Variants in LARGE1 observed in about 807,000 individuals in gnomAD.
LARGE1 encodes the protein xylosyl- and glucuronyltransferase LARGE1.
Under a neutral mutation model 87.6 loss-of-function variants are expected in LARGE1, and 43 were observed. The ratio of observed to expected loss-of-function variants is 0.49; its 90% confidence interval spans 0.38 to 0.63. The LOEUF is 0.63. Ranked by LOEUF, LARGE1 falls within the 30% of genes least tolerant of loss-of-function variation. LARGE1 has a pLI of 0.00. For missense variants in LARGE1, 802 were observed against 1,000.2 expected (o/e 0.80, Z 2.67); for synonymous variants, 434 against 394.6 (o/e 1.10, Z -1.18).
At chr22:33,135,326 T>C in the LARGE1 span, among the ~76,000 whole-genome samples, 2 of 152,196 alleles carry the variant, frequency 1.3e-5, no homozygotes, top group Non-Finnish European at 2.9e-5. Flanking sequence ...TATCCAGGTG[T>C]TGTCCTGCCT....
At chr22:33,590,236 TAATTA>T (rs1282553263) in intron 5 of LARGE1, among the ~76,000 whole-genome samples, 2 of 152,252 alleles carry the variant, frequency 1.3e-5, no homozygotes, top group Non-Finnish European at 2.9e-5. Flanking sequence ...TAGTTGTACC[TAATTA>T]AATATATTTT....
At chr22:33,906,344 T>A (rs2065455974) in intron 1 of LARGE1, among the ~76,000 whole-genome samples, 1 of 152,198 alleles carries the variant, frequency 6.6e-6, no homozygotes. Context: ...TCTTCATGTA[T>A]TTCCCAGGGG....
At chr22:33,883,629 G>C (rs1218809312) in intron 1 of LARGE1, among the ~76,000 whole-genome samples, 4 of 152,226 alleles carry the variant, frequency 2.6e-5, no homozygotes, top group Non-Finnish European at 5.9e-5. Context: ...CTAGGGGCTT[G>C]CGCCCTTCCA....
At chr22:33,682,919 GCTCC>G in intron 2 of LARGE1, among the ~76,000 whole-genome samples, 1 of 152,166 alleles carries the variant, frequency 6.6e-6, no homozygotes, top group African/African-American at 2.4e-5. Flanking sequence ...AAGTTTGCTG[GCTCC>G]AACCCACTTC....
At chr22:33,327,203 T>G (rs1443447101) in intron 10 of LARGE1, among the ~76,000 whole-genome samples, 1 of 152,178 alleles carries the variant, frequency 6.6e-6, no homozygotes, top group Non-Finnish European at 1.5e-5. Context: ...TTTATATGTG[T>G]CTTATTTTTA....
At chr22:33,195,780 A>C (rs1265499269) in intron 11 of LARGE1, among the ~76,000 whole-genome samples, 1 of 131,870 alleles carries the variant, frequency 7.6e-6, no homozygotes, top group Non-Finnish European at 1.6e-5. Context: ...TTTGAGACGG[A>C]GTCTTGCTCT....
rs866680640 is a variant in LARGE1, at chr22:33,183,640, A to G, written c.1731-16808T>C. ...CACACGCACACACACACACACACACACACACACACACACAGTATTTAGCCA... is the reference window on the plus strand; with the variant it reads ...CACACGCACACACACACACACACACGCACACACACACACAGTATTTAGCCA... On this transcript the variant is annotated intron_variant, in intron 11 of 11. Coordinates refer to the LARGE1 transcript ENST00000608642. 4.6e-4 allele frequency among the ~76,000 whole-genome samples: 67 copies of G among 145,664 alleles called. No individual in the cohort carries two copies. In the South Asian group the frequency reaches 0.011, roughly 23 times the overall value.
intron 13 of LARGE1, among the ~76,000 whole-genome samples, chr22:33,279,027 CTCTTA>C (rs1440183562): frequency 5.9e-5 from 9 of 152,152 alleles, no homozygotes; most frequent in African/African-American, 1.7e-4. Context: ...TGGGTCACCT[CTCTTA>C]TATGTCCCTG....
intron 9 of LARGE1, among the ~76,000 whole-genome samples, chr22:33,375,955 T>C (rs1482505947): frequency 1.3e-5 from 2 of 152,210 alleles, no homozygotes; most frequent in Non-Finnish European, 2.9e-5. Flanking sequence ...GTCAAATCAC[T>C]ATTCTTGCAG....
At chr22:33,190,558 G>T (rs1923721647) in intron 11 of LARGE1, among the ~76,000 whole-genome samples, 1 of 152,186 alleles carries the variant, frequency 6.6e-6, no homozygotes, top group South Asian at 2.1e-4. Flanking sequence ...ACACACTAGG[G>T]ATGGTACAGG....
intron 2 of LARGE1, among the ~76,000 whole-genome samples, chr22:33,707,474 G>C (rs1174425563): frequency 6.6e-6 from 1 of 152,172 alleles, no homozygotes; most frequent in Non-Finnish European, 1.5e-5. Flanking sequence ...CTATAGATGG[G>C]GTTTGTGGCT....
chr22:33,283,301 A>G lies in LARGE1; in HGVS notation c.1778T>C (p.Ile593Thr), dbSNP rs954986713. 1.2e-6 allele frequency: 2 copies of G among 1,613,994 alleles called. No homozygotes were observed. Among genetic ancestry groups the G allele is most frequent in the African/African-American group, 2.7e-5 (2 of 74,904 alleles). ...LDLANTKKAMIVPAFETLRYR... is the reference protein window; with the variant it reads ...LDLANTKKAMTVPAFETLRYR... ...GCGCAGTGTCTCGAACGCGGGGACA[A>G]TCATTGCTTTCTTGGTGTTGGCAAG... The change falls in exon 13 of 15, where the codon ATT (isoleucine) becomes ACT (threonine). Residue 593 changes from isoleucine to threonine, a missense_variant. Physicochemically the swap from Ile to Thr is moderately conservative, Grantham distance 89 (BLOSUM62 -1). Transcript: ENST00000397394.
intron 6 of LARGE1, among the ~76,000 whole-genome samples, chr22:33,506,285 T>C (rs2070763396): frequency 6.6e-6 from 1 of 152,070 alleles, no homozygotes; most frequent in South Asian, 2.1e-4. Context: ...TTTGGAACAA[T>C]TTTCCATTTA....
chr22:33,490,702 T>C (rs1014692989), intron 6 of LARGE1, among the ~76,000 whole-genome samples: 7 of 152,294 alleles, frequency 4.6e-5, no homozygotes, highest in South Asian at 4.2e-4. Context: ...TTTGAAGGCA[T>C]TGCCCCAAGT....
intron 1 of LARGE1, among the ~76,000 whole-genome samples, chr22:33,919,510 A>G (rs1424315075): frequency 6.6e-6 from 1 of 152,264 alleles, no homozygotes; most frequent in Non-Finnish European, 1.5e-5. Context: ...TCTGTCCTAA[A>G]GAGGGACTCG....
At chr22:33,139,067 T>C in the LARGE1 span, among the ~76,000 whole-genome samples, 1 of 152,186 alleles carries the variant, frequency 6.6e-6, no homozygotes, top group African/African-American at 2.4e-5. Flanking sequence ...ATGCCATCCA[T>C]GTAAGACATG....
chr22:33,502,865 C>T (rs1259527847), intron 6 of LARGE1, among the ~76,000 whole-genome samples: 2 of 152,052 alleles, frequency 1.3e-5, no homozygotes, highest in South Asian at 2.1e-4. Flanking sequence ...GAAATTGAAG[C>T]ACAAGTGCTG....
chr22:33,454,667 T>C (rs2068062964), intron 6 of LARGE1, among the ~76,000 whole-genome samples: 1 of 150,290 alleles, frequency 6.7e-6, no homozygotes, highest in African/African-American at 2.4e-5. Context: ...AATTGGCTCA[T>C]GGTTCTGCAG....
Position 33,903,553 on chromosome 22 carries a change from G to A in LARGE1, c.-83+16442C>T, listed in dbSNP as rs1163293893. 2.6e-5 allele frequency among the ~76,000 whole-genome samples: 4 copies of A among 152,140 alleles called. No homozygotes were observed. In the East Asian group the frequency reaches 5.8e-4, roughly 22 times the overall value. ...TTAAAAGTCTTGAAATTGGCCAGGCGCGGTGGCTCACGCCTGTAATCTCAG... is the reference window on the plus strand; with the variant it reads ...TTAAAAGTCTTGAAATTGGCCAGGCACGGTGGCTCACGCCTGTAATCTCAG... On this transcript the variant is annotated intron_variant, in intron 1 of 14. Transcript: ENST00000397394.
Sources: gnomAD v4.1 joint callset for allele counts (sites outside exome capture counted in the v4.1 genomes callset) on GRCh38, gnomAD v4.1.1 for gene constraint, MANE v1.5 for transcripts, NCBI Gene and HGNC (gene_info 2026-07-23, HGNC 2026-07-21) for gene names.